Variants in MSRB3 observed in about 807,000 individuals in gnomAD.
MSRB3 encodes the protein methionine sulfoxide reductase B3.
A neutral mutation model predicts 21.0 loss-of-function variants in MSRB3; 13 were observed. The ratio of observed to expected loss-of-function variants is 0.62; its 90% CI spans 0.40 to 0.98. The LOEUF (loss-of-function observed/expected upper bound fraction) is 0.98, where lower values mean the gene tolerates loss of function less well. Among genes scored for constraint, MSRB3 ranks in the 50% least tolerant of loss-of-function variants. The probability of loss-of-function intolerance (pLI) is 0.00; values close to 1 mark genes in which losing one functional copy is unlikely to be tolerated. For missense variants in MSRB3, 199 were observed against 230.3 expected, an observed-to-expected ratio of 0.86 and a Z score of 0.88; for synonymous variants, 87 against 88.6, an observed-to-expected ratio of 0.98 and a Z score of 0.10.
chr12:65,315,302 CT>C (rs1373161404), intron 2 of MSRB3, among the ~76,000 whole-genome samples: 3 of 151,906 alleles, frequency 2.0e-5, no homozygotes, highest in African/African-American at 7.3e-5. Flanking sequence ...TTTCAATTTC[CT>C]ATATATTTTT....
At chr12:65,344,539 A>C (rs1257983795) in intron 4 of MSRB3, among the ~76,000 whole-genome samples, 2 of 151,954 alleles carry the variant, frequency 1.3e-5, no homozygotes, top group African/African-American at 2.4e-5. Context: ...TATAGACATA[A>C]AGTGGTATGT....
chr12:65,426,189 G>A (rs1881590825), intron 5 of MSRB3, among the ~76,000 whole-genome samples: 1 of 152,050 alleles, frequency 6.6e-6, no homozygotes, highest in Non-Finnish European at 1.5e-5. Context: ...ACTATTTTTT[G>A]TCTGTTTTTT....
chr12:65,413,963 A>G (rs926642349), intron 5 of MSRB3, among the ~76,000 whole-genome samples: 1 of 152,180 alleles, frequency 6.6e-6, no homozygotes, highest in Non-Finnish European at 1.5e-5. Flanking sequence ...GCCTTATGAT[A>G]AATGTATACC....
At chr12:65,297,010 G>T (rs937130013) in intron 1 of MSRB3, among the ~76,000 whole-genome samples, 8 of 152,118 alleles carry the variant, frequency 5.3e-5, no homozygotes, top group African/African-American at 1.9e-4. Context: ...GTGTTTGAAG[G>T]TTAAAAAATA....
At chr12:65,323,495 C>A (rs559472688) in intron 2 of MSRB3, among the ~76,000 whole-genome samples, 50 of 152,304 alleles carry the variant, frequency 3.3e-4, no homozygotes, top group African/African-American at 1.2e-3. Flanking sequence ...CACACACTCA[C>A]TTGTGCCTTC....
intron 5 of MSRB3, among the ~76,000 whole-genome samples, chr12:65,387,212 T>C (rs1879237963): frequency 6.6e-6 from 1 of 152,048 alleles, no homozygotes; most frequent in African/African-American, 2.4e-5. Flanking sequence ...ATAAAATCAA[T>C]GCAAATAATG....
intron 5 of MSRB3, among the ~76,000 whole-genome samples, chr12:65,430,033 T>C (rs1455007849): frequency 6.6e-6 from 1 of 152,124 alleles, no homozygotes; most frequent in Non-Finnish European, 1.5e-5. Flanking sequence ...TTTTCAGAGA[T>C]GACAATTGAA....
Position 65,413,359 on chromosome 12 carries a change from G to A in MSRB3, c.293-40369G>A, listed in dbSNP as rs575274275. On this transcript the variant is annotated intron_variant, in intron 5 of 6. Coordinates refer to ENST00000308259, the MANE Select transcript of MSRB3 (RefSeq NM_001031679.3). ...TAGGTGCTTTGTCATAAATACTCTT[G>A]AGGTCAGCATCCTTCTTTGCTTGGT... Among the ~76,000 whole-genome samples, 3 of 152,242 alleles carry A rather than the reference G, an allele frequency of 2.0e-5. No homozygotes were observed. In the South Asian group the frequency reaches 6.2e-4, roughly 32 times the overall value.
In MSRB3 at chr12:65,316,684, G is replaced by A. The variant is rs554359766; in HGVS notation, c.76+8029G>A. Among the ~76,000 whole-genome samples, 12 of 152,242 alleles carry A rather than the reference G, an allele frequency of 7.9e-5. No individual in the cohort carries two copies. In the South Asian group the frequency reaches 2.5e-3, roughly 32 times the overall value. On this transcript the variant is annotated intron_variant, in intron 2 of 6. Transcript: ENST00000308259. ...GATCTACATTCTGGTGAGAAAGATG[G>A]CCACCTCAGGTTCAAATTTTATTAT...
chr12:65,300,797 T>C (rs932812427), intron 1 of MSRB3, among the ~76,000 whole-genome samples: 2 of 152,230 alleles, frequency 1.3e-5, no homozygotes, highest in Non-Finnish European at 2.9e-5. Context: ...CATCTAATTA[T>C]AGAACATTGC....
chr12:65,441,837 T>G (rs1012761478), intron 5 of MSRB3, among the ~76,000 whole-genome samples: 22 of 151,998 alleles, frequency 1.4e-4, no homozygotes, highest in South Asian at 4.2e-4. Flanking sequence ...ATTTAATATA[T>G]TAGGGAATGT....
intron 4 of MSRB3, among the ~76,000 whole-genome samples, chr12:65,355,624 C>A (rs1877337202): frequency 6.6e-6 from 1 of 151,788 alleles, no homozygotes; most frequent in Non-Finnish European, 1.5e-5. Context: ...GAGATTTGCA[C>A]ATTTTACTTC....
At chr12:65,293,790 T>A (rs1872793602) in intron 1 of MSRB3, among the ~76,000 whole-genome samples, 1 of 152,142 alleles carries the variant, frequency 6.6e-6, no homozygotes, top group Non-Finnish European at 1.5e-5. Flanking sequence ...CAGCTTCTGT[T>A]TGTTAAATAG....
intron 1 of MSRB3, 41 bp downstream of exon 1, chr12:65,278,906 C>T (rs907555885): frequency 6.5e-7 from 1 of 1,543,872 alleles, no homozygotes. Flanking sequence ...TCGCCTCACC[C>T]CTCCCACCCC....
rs10610126 is a variant in MSRB3, at chr12:65,298,636, TTC to T, written c.-51-9889_-51-9888del. Among the ~76,000 whole-genome samples, 1,424 of 152,296 alleles carry T rather than the reference TTC, an allele frequency of 9.4e-3. 21 individuals are homozygous for T. The highest frequency in any genetic ancestry group is 0.033 in the African/African-American group (1,373 of 41,548). On this transcript the variant is annotated intron_variant, in intron 1 of 6. Transcript: ENST00000308259. ...TATAAGGAGTCCATTTTCATAAAAC[TTC>T]TCTTTTATCTGCTATATCAGATGCA...
intron 2 of MSRB3, among the ~76,000 whole-genome samples, chr12:65,326,602 G>C (rs1875048180): frequency 6.6e-6 from 1 of 152,170 alleles, no homozygotes. Context: ...ACTGGCTGTA[G>C]CATATTGTCA....
chr12:65,386,670 T>C (rs1383672573), intron 5 of MSRB3, among the ~76,000 whole-genome samples: 3 of 152,018 alleles, frequency 2.0e-5, no homozygotes, highest in Non-Finnish European at 4.4e-5. Context: ...GTAGCTTAAA[T>C]TTGAGCTTGC....
At chr12:65,454,420 G>A (rs1248064959) in intron 6 of MSRB3, among the ~76,000 whole-genome samples, 1 of 152,110 alleles carries the variant, frequency 6.6e-6, no homozygotes, top group Non-Finnish European at 1.5e-5. Context: ...TTGAAGAGTG[G>A]GCTGTTCTTG....
chr12:65,463,529 A>G lies in MSRB3; in HGVS notation c.*207A>G, dbSNP rs1883427371. Reference sequence around the variant, plus strand: ...ATCAAGAACTGTTTATAGCTTTAGCAAATGGAGACAGCTTTGTGAAACTTC... The same window carrying G: ...ATCAAGAACTGTTTATAGCTTTAGCGAATGGAGACAGCTTTGTGAAACTTC... On this transcript the variant is annotated 3_prime_UTR_variant, in exon 7 of 7. Coordinates refer to ENST00000308259, the MANE Select transcript of MSRB3 (RefSeq NM_001031679.3). 3.4e-6 allele frequency: 2 copies of G among 585,436 alleles called. No homozygotes were observed. The highest frequency in any genetic ancestry group is 3.7e-5 in the African/African-American group (2 of 53,426). The allele number at this position is 585,436 out of a possible 1,614,324, so 36.3% of individuals were successfully genotyped here.
Sources: gnomAD v4.1 joint callset for allele counts (sites outside exome capture counted in the v4.1 genomes callset) on GRCh38, gnomAD v4.1.1 for gene constraint, MANE v1.5 for transcripts, NCBI Gene and HGNC (gene_info 2026-07-23, HGNC 2026-07-21) for gene names.